Variants in PACS2 observed in about 807,000 individuals in gnomAD.
PACS2 encodes the protein PACS1-like protein.
Under a neutral mutation model 113.0 loss-of-function variants are expected in PACS2, and 36 were observed. That is an observed-to-expected ratio of 0.32 (90% CI 0.24 to 0.42). The LOEUF is 0.42. Ranked by LOEUF, PACS2 falls within the 10% of genes least tolerant of loss-of-function variation. The pLI, the probability that PACS2 is intolerant of heterozygous loss-of-function variation, is 1.00. For missense variants in PACS2, 1,015 were observed against 1,239.5 expected (o/e 0.82, Z 2.72); for synonymous variants, 589 against 536.1 (o/e 1.10, Z -1.36).
At chr14:105,363,984 C>G (rs1231608088) in intron 4 of PACS2, among the ~76,000 whole-genome samples, 1 of 152,182 alleles carries the variant, frequency 6.6e-6, no homozygotes, top group African/African-American at 2.4e-5. Context: ...CACACACCTA[C>G]TGATTAAGTT....
intron 19 of PACS2, among the ~76,000 whole-genome samples, chr14:105,385,964 C>T (rs1231725506): frequency 6.6e-6 from 1 of 152,238 alleles, no homozygotes; most frequent in Non-Finnish European, 1.5e-5. Context: ...AGGAGAGCAG[C>T]AGATGGGCCC....
At chr14:105,392,535 C>T in intron 22 of PACS2, 84 bp from the exon 23 acceptor site, 1 of 1,257,846 alleles carries the variant, frequency 8.0e-7, no homozygotes, top group Non-Finnish European at 1.1e-6. Context: ...TGGCTGTCAC[C>T]TCCTGGCCTG....
rs111836659 is a variant in PACS2, at chr14:105,324,686, G to A, written c.119+9649G>A. Among the ~76,000 whole-genome samples, 404 of 152,306 alleles carry A rather than the reference G, an allele frequency of 2.7e-3. 4 individuals are homozygous for A. Among genetic ancestry groups the A allele is most frequent in the African/African-American group, 9.1e-3 (379 of 41,564 alleles). On this transcript the variant is annotated intron_variant, in intron 1 of 24. Coordinates refer to ENST00000447393, the MANE Select transcript of PACS2 (RefSeq NM_001100913.3). This position sits in a 1 kb window ranked among gnomAD's most constrained non-coding sequence, Gnocchi z 4.7. ...GTGCTGGGGTCGTCAGCAGCTCCTC[G>A]AGGGCTCCGGCCTGTGGAGGCCGGT... is the stretch of plus-strand genomic sequence containing the variant.
intron 9 of PACS2, among the ~76,000 whole-genome samples, chr14:105,378,286 G>T (rs1347719967): frequency 6.6e-6 from 1 of 152,246 alleles, no homozygotes; most frequent in Non-Finnish European, 1.5e-5. Context: ...TTTGAGGAGA[G>T]GCGTGTGCGT....
In PACS2 at chr14:105,324,252, A is replaced by G. The variant is rs1337425931; in HGVS notation, c.119+9215A>G. On this transcript the variant is annotated intron_variant, in intron 1 of 24. Transcript: ENST00000447393. The surrounding 1 kb of genome is among the most constrained non-coding windows in gnomAD (Gnocchi z 4.7). Reference sequence around the variant, plus strand: ...AGAGAGCGGGTCTGCGGTCAGTCACAGTGACGGGGGTCTCTTTGGACCCTG... The same window carrying G: ...AGAGAGCGGGTCTGCGGTCAGTCACGGTGACGGGGGTCTCTTTGGACCCTG... Among the ~76,000 whole-genome samples, 1 of 152,150 alleles carries G rather than the reference A, an allele frequency of 6.6e-6. No individual in the cohort carries two copies. The highest frequency in any genetic ancestry group is 1.5e-5 in the Non-Finnish European group (1 of 68,016).
At position 105,383,501 on chromosome 14, in the gene PACS2, G is replaced by T. The variant is rs2081064466; in HGVS notation, c.1768G>T (p.Val590Phe). 2 of 1,596,954 alleles carry T rather than the reference G, an allele frequency of 1.3e-6. No individual in the cohort carries two copies. Among genetic ancestry groups the T allele is most frequent in the Non-Finnish European group, 1.7e-6 (2 of 1,172,068 alleles). The change falls in exon 16 of 25, where the codon GTC becomes TTC. Residue 590 changes from valine to phenylalanine, a missense_variant. By Grantham distance (50) the Val-to-Phe change is conservative (BLOSUM62 -1). Transcript: ENST00000447393. ...CTGGCTCGGCTACATGCGCTTCCTG[G>T]TCATCCCACTGGGTGAGCACCACGC... is the stretch of plus-strand genomic sequence containing the variant. ...PDWLGYMRFL[V>F]IPLGSHPVAR...
Position 105,396,396 on chromosome 14 carries a change from T to C in PACS2, c.*1724T>C, listed in dbSNP as rs2081529284. On this transcript the variant is annotated 3_prime_UTR_variant, in exon 25 of 25. Coordinates refer to ENST00000447393, the MANE Select transcript of PACS2 (RefSeq NM_001100913.3). ...GGTGAGGGTGTGAGCCCCGGGCTGATGGCCTCTGACCCCGGCAACAGGTGG... is the reference window on the plus strand; with the variant it reads ...GGTGAGGGTGTGAGCCCCGGGCTGACGGCCTCTGACCCCGGCAACAGGTGG... The C allele has an allele frequency of 6.6e-6, 1 of 152,138 alleles. No individual in the cohort carries two copies. Among genetic ancestry groups the C allele is most frequent in the Non-Finnish European group, 1.5e-5 (1 of 68,142 alleles). The allele number at this position is 152,138 out of a possible 1,614,324, so 9.4% of individuals were successfully genotyped here. A position where few individuals can be genotyped will look rare whatever the true frequency, so the allele number is the denominator to read the frequency against.
chr14:105,326,791 G>A (rs984991293), intron 1 of PACS2, among the ~76,000 whole-genome samples: 4 of 152,134 alleles, frequency 2.6e-5, no homozygotes, highest in African/African-American at 7.2e-5. Context: ...TGAGCTCCAC[G>A]TTCACCCTGC....
At chr14:105,331,960 T>C (rs945213885) in intron 1 of PACS2, among the ~76,000 whole-genome samples, 2 of 152,264 alleles carry the variant, frequency 1.3e-5, no homozygotes, top group African/African-American at 4.8e-5. Flanking sequence ...TATTGTCTTC[T>C]GGCCTCTGTT....
rs2060564120 is a variant in PACS2 at position 105,358,964 on chromosome 14, C to T, written c.423+3787C>T. On this transcript the variant is annotated intron_variant, in intron 4 of 24. Transcript: ENST00000447393. This position sits in a 1 kb window ranked among gnomAD's most constrained non-coding sequence, Gnocchi z 4.9. ...GGGTGGCCCCGTGAGAATATGATGG[C>T]ACTGGACACTTCCTATCTCCTGATG... is the stretch of plus-strand genomic sequence containing the variant. Among the ~76,000 whole-genome samples, 1 of 152,210 alleles carries T rather than the reference C, an allele frequency of 6.6e-6. No individual in the cohort carries two copies. Among genetic ancestry groups the T allele is most frequent in the Non-Finnish European group, 1.5e-5 (1 of 68,036 alleles).
At position 105,393,338 on chromosome 14, in the gene PACS2, G is replaced by T; in HGVS notation, c.2596+3G>T. The T allele has an allele frequency of 1.2e-6, 2 of 1,600,482 alleles. No homozygotes were observed. On this transcript the variant is annotated splice_donor_region_variant and intron_variant, in intron 24 of 24. Coordinates refer to ENST00000447393, the MANE Select transcript of PACS2 (RefSeq NM_001100913.3). ...GCAGCAGCAGAACATGCTGCGGGGTGAGCACCACCGGCCCCGGGGTCTGTA... is the reference window on the plus strand; with the variant it reads ...GCAGCAGCAGAACATGCTGCGGGGTTAGCACCACCGGCCCCGGGGTCTGTA...
rs1262887916 is a variant in PACS2 at position 105,348,880 on chromosome 14, C to G, written c.207+300C>G. The G allele has an allele frequency of 2.8e-6, 1 of 354,134 alleles. No homozygotes were observed. Among genetic ancestry groups the G allele is most frequent in the African/African-American group, 2.2e-5 (1 of 46,084 alleles). 21.9% of individuals were successfully genotyped at this position (354,134 alleles called of 1,614,324 possible). A position where few individuals can be genotyped will look rare whatever the true frequency, so the allele number is the denominator to read the frequency against. ...ATGGACGGGCCCCAAGCACCTGGAG[C>G]CAGGGCTTCCCTGCTGCACTCAGCA... On this transcript the variant is annotated intron_variant, in intron 2 of 24. Coordinates refer to ENST00000447393, the MANE Select transcript of PACS2 (RefSeq NM_001100913.3). The surrounding 1 kb of genome is among the most constrained non-coding windows in gnomAD (Gnocchi z 6.4).
chr14:105,368,815 T>C (rs1196537859), intron 7 of PACS2, among the ~76,000 whole-genome samples: 3 of 152,222 alleles, frequency 2.0e-5, no homozygotes, highest in African/African-American at 7.2e-5. Context: ...GCTCACTCCA[T>C]GTGCAGAAAC....
chr14:105,389,897 G>C, intron 19 of PACS2, 64 bp from the exon 20 acceptor site: 1 of 1,446,636 alleles, frequency 6.9e-7, no homozygotes, highest in Non-Finnish European at 9.7e-7. Context: ...CCAAGAGGGA[G>C]CTGTGCCCAC....
chr14:105,357,878 G>T lies in PACS2; in HGVS notation c.423+2701G>T, dbSNP rs896969683. On this transcript the variant is annotated intron_variant, in intron 4 of 24. Coordinates refer to ENST00000447393, the MANE Select transcript of PACS2 (RefSeq NM_001100913.3). The surrounding 1 kb of genome is among the most constrained non-coding windows in gnomAD (Gnocchi z 5.1). ...ATGCATTTGAGAGTAGTGCTCGGCG[G>T]TGGGGAAGGGTCCTTGAGGGCACAG... Among the ~76,000 whole-genome samples the T allele has an allele frequency of 1.3e-5, 2 of 152,190 alleles. No homozygotes were observed. The highest frequency in any genetic ancestry group is 2.4e-5 in the African/African-American group (1 of 41,446).
intron 23 of PACS2, 97 bp downstream of exon 23, chr14:105,392,942 G>A (rs1194006668): frequency 8.4e-6 from 8 of 952,624 alleles, no homozygotes; most frequent in Non-Finnish European, 1.1e-5. Context: ...CCCCGGGCTG[G>A]CCTCGGGCAG....
At chr14:105,332,585 GC>G (rs2059345600) in intron 1 of PACS2, among the ~76,000 whole-genome samples, 1 of 152,210 alleles carries the variant, frequency 6.6e-6, no homozygotes, top group Non-Finnish European at 1.5e-5. Flanking sequence ...GGTGCCTGGG[GC>G]TGAGTTGGGA....
chr14:105,380,834 C>G, intron 11 of PACS2, 123 bp from the exon 12 acceptor site: 1 of 928,352 alleles, frequency 1.1e-6, no homozygotes, highest in South Asian at 2.0e-5. Flanking sequence ...GCCGGGTCCA[C>G]ATGTAGGAGC....
intron 4 of PACS2, among the ~76,000 whole-genome samples, chr14:105,363,870 G>A (rs1268758076): frequency 1.3e-5 from 2 of 152,082 alleles, no homozygotes; most frequent in Admixed American, 1.3e-4. Flanking sequence ...TTAGGGGCCC[G>A]TAGAGTTAGT....
Sources: allele counts gnomAD v4.1 joint callset (sites outside exome capture counted in the v4.1 genomes callset), GRCh38; gene constraint gnomAD v4.1.1; non-coding constraint Gnocchi (gnomAD v3.1); transcripts MANE v1.5; gene names NCBI Gene and HGNC (gene_info 2026-07-23, HGNC 2026-07-21).